Variants in DPP6 observed in about 807,000 individuals in gnomAD.
DPP6 encodes the protein A-type potassium channel modulatory protein DPP6.
In DPP6, 69 loss-of-function variants were observed where a neutral mutation model predicts 122.6. The ratio of observed to expected loss-of-function variants is 0.56; its 90% confidence interval spans 0.46 to 0.69. DPP6 has a LOEUF of 0.69. Among genes scored for constraint, DPP6 ranks in the 30% least tolerant of loss-of-function variants. The probability of loss-of-function intolerance (pLI) is 0.00; values close to 1 mark genes in which losing one functional copy is unlikely to be tolerated. For missense variants in DPP6, 928 were observed against 1,116.9 expected, an observed-to-expected ratio of 0.83 and a Z score of 2.41; for synonymous variants, 418 against 433.1, an observed-to-expected ratio of 0.97 and a Z score of 0.43.
intron 14 of DPP6, 129 bp from the exon 15 acceptor site, chr7:154,804,788 A>C (rs1462427273): frequency 7.7e-7 from 1 of 1,305,540 alleles, no homozygotes; most frequent in Non-Finnish European, 1.1e-6. Context: ...GGACCTGAAC[A>C]GGGGAGCTAC....
intron 1 of DPP6, among the ~76,000 whole-genome samples, chr7:153,996,799 TAGATATTC>T (rs1797459943): frequency 6.6e-6 from 1 of 152,178 alleles, no homozygotes. Context: ...ATTAATAAGA[TAGATATTC>T]AGAGTGGTTG....
chr7:154,354,506 C>G (rs1421181198), intron 1 of DPP6, among the ~76,000 whole-genome samples: 1 of 152,154 alleles, frequency 6.6e-6, no homozygotes, highest in Non-Finnish European at 1.5e-5. Flanking sequence ...GTATATCCTG[C>G]AAATGGCTTC....
intron 4 of DPP6, among the ~76,000 whole-genome samples, chr7:154,552,592 T>A (rs906563783): frequency 1.3e-5 from 2 of 152,188 alleles, no homozygotes; most frequent in African/African-American, 4.8e-5. Context: ...CTCCAAAGCC[T>A]ACTGGCTACA....
At chr7:154,168,618 G>A (rs1237248902) in intron 1 of DPP6, among the ~76,000 whole-genome samples, 1 of 152,162 alleles carries the variant, frequency 6.6e-6, no homozygotes, top group African/African-American at 2.4e-5. Flanking sequence ...CAAGTAAGTG[G>A]CTCCATATGG....
At chr7:154,188,792 T>C (rs575189127) in intron 1 of DPP6, among the ~76,000 whole-genome samples, 7 of 152,338 alleles carry the variant, frequency 4.6e-5, no homozygotes, top group African/African-American at 1.7e-4. Context: ...TGCAAACCTA[T>C]ATTTACATAT....
intron 1 of DPP6, among the ~76,000 whole-genome samples, chr7:154,019,645 C>G (rs1798605575): frequency 6.6e-6 from 1 of 152,202 alleles, no homozygotes. Context: ...TTCAAATTCC[C>G]TCTTCAGTGA....
chr7:154,754,804 G>A (rs1441890765), intron 8 of DPP6, among the ~76,000 whole-genome samples: 1 of 152,128 alleles, frequency 6.6e-6, no homozygotes, highest in East Asian at 1.9e-4. Flanking sequence ...CCATAAAAAA[G>A]AATGAGTTCA....
intron 5 of DPP6, among the ~76,000 whole-genome samples, chr7:154,621,599 T>A (rs866691929): frequency 2.1e-4 from 32 of 152,182 alleles, no homozygotes; most frequent in African/African-American, 7.0e-4. Context: ...ACCCCTGACC[T>A]CAGGTGATCC....
intron 1 of DPP6, among the ~76,000 whole-genome samples, chr7:153,991,393 A>G (rs977970903): frequency 2.6e-5 from 4 of 152,270 alleles, no homozygotes; most frequent in African/African-American, 7.2e-5. Context: ...GTTTACATCC[A>G]TAGAAGAAAA....
At chr7:154,512,628 C>T (rs769620002) in intron 3 of DPP6, among the ~76,000 whole-genome samples, 4 of 152,094 alleles carry the variant, frequency 2.6e-5, no homozygotes, top group Admixed American at 6.6e-5. Context: ...CTTTTGTGCC[C>T]GATCAATAGG....
chr7:154,288,251 G>A (rs1037154735), intron 1 of DPP6, among the ~76,000 whole-genome samples: 2 of 152,208 alleles, frequency 1.3e-5, no homozygotes, highest in African/African-American at 4.8e-5. Flanking sequence ...CCAGAGACAA[G>A]GACAGGGATG....
At chr7:154,651,892 G>A (rs1836899477) in intron 6 of DPP6, among the ~76,000 whole-genome samples, 1 of 152,110 alleles carries the variant, frequency 6.6e-6, no homozygotes, top group South Asian at 2.1e-4. Flanking sequence ...TTTTCCCAGG[G>A]CATCCTCACA....
At chr7:154,242,569 C>A (rs1428217613) in intron 1 of DPP6, among the ~76,000 whole-genome samples, 1 of 152,172 alleles carries the variant, frequency 6.6e-6, no homozygotes, top group Non-Finnish European at 1.5e-5. Flanking sequence ...AAACAACAGG[C>A]AGCACAGAAC....
chr7:154,030,428 G>A (rs374210356), intron 1 of DPP6, among the ~76,000 whole-genome samples: 31 of 152,196 alleles, frequency 2.0e-4, no homozygotes, highest in Non-Finnish European at 2.5e-4. Flanking sequence ...TCTTACAGCC[G>A]TGATGCTGAT....
chr7:154,801,597 C>A, intron 13 of DPP6, 135 bp downstream of exon 13: 3 of 1,278,318 alleles, frequency 2.3e-6, no homozygotes, highest in Non-Finnish European at 3.1e-6. Context: ...GAAGGCAGGG[C>A]AGGGCATGGC....
the DPP6 span, among the ~76,000 whole-genome samples, chr7:153,765,710 A>C: frequency 1.3e-5 from 2 of 152,220 alleles, no homozygotes; most frequent in Non-Finnish European, 2.9e-5. Flanking sequence ...AGTGGAGGAC[A>C]CAGCTTCTTA....
chr7:154,803,813 T>A, intron 13 of DPP6, 51 bp from the exon 14 acceptor site: 1 of 1,586,616 alleles, frequency 6.3e-7, no homozygotes, highest in Non-Finnish European at 8.6e-7. Flanking sequence ...AGAGCCATGC[T>A]GGGGCCGGGA....
chr7:153,895,820 A>G (rs180902695), intron 1 of DPP6, among the ~76,000 whole-genome samples: 36 of 152,224 alleles, frequency 2.4e-4, no homozygotes, highest in Non-Finnish European at 3.8e-4. Flanking sequence ...ATAGCTGAAG[A>G]TCTGTTGGAT....
intron 5 of DPP6, among the ~76,000 whole-genome samples, chr7:154,615,220 G>A (rs201453383): frequency 6.6e-6 from 1 of 151,978 alleles, no homozygotes; most frequent in Non-Finnish European, 1.5e-5. Flanking sequence ...AAATGAGGAG[G>A]CCTGGAAGAT....
Sources: gnomAD v4.1 joint callset for allele counts (sites outside exome capture counted in the v4.1 genomes callset) on GRCh38, gnomAD v4.1.1 for gene constraint, MANE v1.5 for transcripts, NCBI Gene and HGNC (gene_info 2026-07-23, HGNC 2026-07-21) for gene names.